PIP4K2A: variants seen among roughly 807,000 people sequenced by gnomAD.
The protein encoded by PIP4K2A is phosphatidylinositol 5-phosphate 4-kinase type-2 alpha.
In PIP4K2A, 14 loss-of-function variants were observed where a neutral mutation model predicts 42.9. That is an observed-to-expected ratio of 0.33 (90% CI 0.22 to 0.51). The LOEUF (loss-of-function observed/expected upper bound fraction) is 0.51. PIP4K2A is among the 20% of genes least tolerant of loss of function. The probability of loss-of-function intolerance (pLI) is 0.97; values close to 1 mark genes in which losing one functional copy is unlikely to be tolerated. For missense variants in PIP4K2A, 434 were observed against 519.8 expected, an observed-to-expected ratio of 0.83 and a Z score of 1.61; for synonymous variants, 192 against 192.2, an observed-to-expected ratio of 1.00 and a Z score of 0.01.
intron 1 of PIP4K2A, among the ~76,000 whole-genome samples, chr10:22,683,975 C>T (rs2032026): frequency 0.085 from 12,922 of 152,122 alleles, 1,490 homozygotes; most frequent in African/African-American, 0.26. Context: ...ATAAGCACCA[C>T]ATCGGCCAAA....
At chr10:22,700,576 A>G (rs2130915119) in intron 1 of PIP4K2A, among the ~76,000 whole-genome samples, 1 of 152,260 alleles carries the variant, frequency 6.6e-6, no homozygotes, top group South Asian at 2.1e-4. Flanking sequence ...CTGTGCGGAC[A>G]ACTCACAAAA....
chr10:22,620,616 A>G (rs968650425), intron 1 of PIP4K2A, among the ~76,000 whole-genome samples: 3 of 152,234 alleles, frequency 2.0e-5, no homozygotes, highest in Non-Finnish European at 2.9e-5. Context: ...ACATTTACAT[A>G]CAAATTTGGA....
chr10:22,643,639 A>G (rs569163257), intron 1 of PIP4K2A, among the ~76,000 whole-genome samples: 3 of 152,266 alleles, frequency 2.0e-5, no homozygotes, highest in Admixed American at 2.0e-4. Context: ...CTCATCAGCA[A>G]AAATTAACCT....
intron 1 of PIP4K2A, among the ~76,000 whole-genome samples, chr10:22,692,120 C>T (rs1382766926): frequency 2.0e-5 from 3 of 151,592 alleles, no homozygotes; most frequent in Non-Finnish European, 4.4e-5. Context: ...CAGTGGGAGC[C>T]CTGAGCTTGT....
chr10:22,568,242 A>G (rs1219681711), intron 5 of PIP4K2A, among the ~76,000 whole-genome samples: 2 of 152,218 alleles, frequency 1.3e-5, no homozygotes, highest in African/African-American at 4.8e-5. Flanking sequence ...TACTCCTTGT[A>G]TCAACTGCCA....
Position 22,714,420 on chromosome 10 carries a change from GGC to G in PIP4K2A, c.-96_-95del. 1.1e-6 allele frequency: 1 copy of G among 901,844 alleles called. No homozygotes were observed. The highest frequency in any genetic ancestry group is 1.4e-6 in the Non-Finnish European group (1 of 731,036). The allele number at this position is 901,844 out of a possible 1,614,324, so 55.9% of individuals were successfully genotyped here. On this transcript the variant is annotated 5_prime_UTR_variant, in exon 1 of 10. Coordinates refer to ENST00000376573, the MANE Select transcript of PIP4K2A (RefSeq NM_005028.5). ...CCCGGGGAGGCAGCCGCATCCCCCC[GGC>G]GGCGGCCCCGGCGCGCCGCGCTCCG...
At chr10:22,617,738 C>T (rs909380289) in intron 1 of PIP4K2A, among the ~76,000 whole-genome samples, 4 of 151,936 alleles carry the variant, frequency 2.6e-5, no homozygotes, top group Non-Finnish European at 4.4e-5. Context: ...GGAGGGGGAG[C>T]TATTTCATGG....
chr10:22,569,745 T>C (rs1183830111), intron 5 of PIP4K2A, among the ~76,000 whole-genome samples: 1 of 152,112 alleles, frequency 6.6e-6, no homozygotes, highest in South Asian at 2.1e-4. Flanking sequence ...GGAAGCTTCA[T>C]CTGTATGCAA....
In PIP4K2A at chr10:22,608,021, T is replaced by A; in HGVS notation, c.245A>T (p.Glu82Val). 6.3e-7 allele frequency: 1 copy of A among 1,599,656 alleles called. No individual in the cohort carries two copies. The highest frequency in any genetic ancestry group is 8.6e-7 in the Non-Finnish European group (1 of 1,167,416). The change falls in exon 3 of 10, where the codon GAA (glutamate) becomes GTA (valine). Residue 82 changes from glutamate to valine, a missense_variant and splice_region_variant. Coordinates refer to ENST00000376573, the MANE Select transcript of PIP4K2A (RefSeq NM_005028.5). ...IKVDNHLFNKENMPSHFKFKE... is the reference protein window; with the variant it reads ...IKVDNHLFNKVNMPSHFKFKE... ...AAACTTGAAATGGCTCGGCATGTTT[T>A]CTCTGAAACAGTCACAGCGTGGAAT... is the stretch of plus-strand genomic sequence containing the variant.
At chr10:22,653,238 C>A (rs1839028911) in intron 1 of PIP4K2A, among the ~76,000 whole-genome samples, 2 of 152,090 alleles carry the variant, frequency 1.3e-5, no homozygotes, top group African/African-American at 4.8e-5. Flanking sequence ...GGTGAAAACT[C>A]CTCCCCTCTT....
At chr10:22,627,425 T>C (rs1326509728) in intron 1 of PIP4K2A, among the ~76,000 whole-genome samples, 1 of 151,754 alleles carries the variant, frequency 6.6e-6, no homozygotes, top group Non-Finnish European at 1.5e-5. Flanking sequence ...CAAAGGTTAT[T>C]AGGTGAATAA....
intron 1 of PIP4K2A, among the ~76,000 whole-genome samples, chr10:22,667,646 T>C (rs1039171636): frequency 2.6e-5 from 4 of 152,202 alleles, no homozygotes; most frequent in African/African-American, 9.6e-5. Flanking sequence ...GGTTATAAAA[T>C]TAAAATTCTC....
At chr10:22,621,626 C>T (rs976878576) in intron 1 of PIP4K2A, among the ~76,000 whole-genome samples, 2 of 152,206 alleles carry the variant, frequency 1.3e-5, no homozygotes, top group African/African-American at 4.8e-5. Flanking sequence ...GTATGTAATA[C>T]AGGTGTCCCT....
Position 22,595,089 on chromosome 10 carries a change from T to A in PIP4K2A, c.340-3308A>T, listed in dbSNP as rs150760261. ...AATCAAGTGTATTAAAAGCCTTATCTGATAAGGAGGAAATCAAAAGAGTTC... is the reference window on the plus strand; with the variant it reads ...AATCAAGTGTATTAAAAGCCTTATCAGATAAGGAGGAAATCAAAAGAGTTC... On this transcript the variant is annotated intron_variant, in intron 3 of 9. Transcript: ENST00000376573. Among the ~76,000 whole-genome samples, 816 of 152,350 alleles carry A rather than the reference T, an allele frequency of 5.4e-3. 10 individuals carry two copies. The highest frequency in any genetic ancestry group is 0.019 in the African/African-American group (771 of 41,574).
At chr10:22,697,832 C>T (rs900826626) in intron 1 of PIP4K2A, among the ~76,000 whole-genome samples, 7 of 152,106 alleles carry the variant, frequency 4.6e-5, no homozygotes, top group Admixed American at 2.6e-4. Flanking sequence ...TTTTCTGAAA[C>T]GGTTCATGTG....
chr10:22,690,469 G>T (rs1001659518), intron 1 of PIP4K2A, among the ~76,000 whole-genome samples: 1 of 152,216 alleles, frequency 6.6e-6, no homozygotes, highest in African/African-American at 2.4e-5. Flanking sequence ...CCATCTTAAT[G>T]TGTTTTCCAC....
At chr10:22,597,790 G>A (rs376974294) in intron 3 of PIP4K2A, among the ~76,000 whole-genome samples, 61 of 151,600 alleles carry the variant, frequency 4.0e-4, no homozygotes, top group East Asian at 1.7e-3. Flanking sequence ...TAATTTAAAA[G>A]GGCAAATCTG....
In PIP4K2A at chr10:22,712,157, C is replaced by A. The variant is rs565654296; in HGVS notation, c.144+2026G>T. ...TCTTGAGAGCAAAAGAAAATAACAC[C>A]AAATGTACTATTTACAAGTCATACA... On this transcript the variant is annotated intron_variant, in intron 1 of 9. Coordinates refer to ENST00000376573, the MANE Select transcript of PIP4K2A (RefSeq NM_005028.5). 7.2e-5 allele frequency among the ~76,000 whole-genome samples: 11 copies of A among 152,246 alleles called. No individual in the cohort carries two copies. In the South Asian group the frequency reaches 1.9e-3, roughly 26 times the overall value.
chr10:22,561,382 C>T (rs544631982), intron 6 of PIP4K2A, among the ~76,000 whole-genome samples: 2 of 152,174 alleles, frequency 1.3e-5, no homozygotes, highest in South Asian at 4.2e-4. Flanking sequence ...AAGCTACAAT[C>T]TAAGAAATGG....
Sources: gnomAD v4.1 joint callset for allele counts (sites outside exome capture counted in the v4.1 genomes callset) on GRCh38, gnomAD v4.1.1 for gene constraint, MANE v1.5 for transcripts, NCBI Gene and HGNC (gene_info 2026-07-23, HGNC 2026-07-21) for gene names.